The following DTNBP1 variants were observed in gnomAD, a reference collection of about 807,000 sequenced individuals.
The protein encoded by DTNBP1 is dystrobrevin binding protein 1, also known as dysbindin.
Under a neutral mutation model 42.8 loss-of-function variants are expected in DTNBP1, and 35 were observed. That is an observed-to-expected ratio of 0.82 (90% CI 0.63 to 1.09). The LOEUF (loss-of-function observed/expected upper bound fraction) is 1.09. DTNBP1 is among the 50% of genes least tolerant of loss of function. DTNBP1 has a pLI of 0.00. For synonymous variants in DTNBP1, 171 were observed against 162.2 expected, an observed-to-expected ratio of 1.05 and a Z score of -0.41; for missense variants, 457 against 424.2, an observed-to-expected ratio of 1.08 and a Z score of -0.68.
At chr6:15,590,904 A>G (rs1022557637) in intron 7 of DTNBP1, among the ~76,000 whole-genome samples, 5 of 152,186 alleles carry the variant, frequency 3.3e-5, no homozygotes, top group Non-Finnish European at 5.9e-5. Flanking sequence ...TTTTCCCCCA[A>G]TTTAGAAAAG....
At chr6:15,572,286 A>G (rs1775372348) in intron 7 of DTNBP1, among the ~76,000 whole-genome samples, 1 of 152,252 alleles carries the variant, frequency 6.6e-6, no homozygotes, top group Non-Finnish European at 1.5e-5. Context: ...AAGGTGAGTC[A>G]AACCCACCCA....
chr6:15,658,868 C>CT (rs1297918222), intron 1 of DTNBP1, among the ~76,000 whole-genome samples: 1 of 152,232 alleles, frequency 6.6e-6, no homozygotes, highest in Non-Finnish European at 1.5e-5. Context: ...GGGAAAAGAT[C>CT]TTTGAGTGAA....
At chr6:15,583,340 AAGTAGG>A (rs1262273144) in intron 7 of DTNBP1, among the ~76,000 whole-genome samples, 1 of 152,180 alleles carries the variant, frequency 6.6e-6, no homozygotes, top group African/African-American at 2.4e-5. Flanking sequence ...ATGAATATTT[AAGTAGG>A]AGTGAGAGTT....
Position 15,522,829 on chromosome 6 carries a change from G to T in DTNBP1, c.*146C>A. 7.1e-7 allele frequency: 1 copy of T among 1,405,958 alleles called. No individual in the cohort carries two copies. The highest frequency in any genetic ancestry group is 9.9e-7 in the Non-Finnish European group (1 of 1,010,678). The allele number at this position is 1,405,958 out of a possible 1,614,324, so 87.1% of individuals were successfully genotyped here. ...CAGTTTACCGTCCTCACACTTTATTGTTAGCTGTTCTTTAAGTTTCTCACA... is the reference window on the plus strand; with the variant it reads ...CAGTTTACCGTCCTCACACTTTATTTTTAGCTGTTCTTTAAGTTTCTCACA... On this transcript the variant is annotated 3_prime_UTR_variant, in exon 10 of 10. Coordinates refer to ENST00000344537, the MANE Select transcript of DTNBP1 (RefSeq NM_032122.5).
At chr6:15,590,793 T>C (rs566564292) in intron 7 of DTNBP1, among the ~76,000 whole-genome samples, 1 of 152,296 alleles carries the variant, frequency 6.6e-6, no homozygotes, top group Admixed American at 6.5e-5. Context: ...TCAACCTCAA[T>C]GGAGTATTAG....
At chr6:15,537,693 T>C (rs1000349864) in intron 7 of DTNBP1, among the ~76,000 whole-genome samples, 3 of 152,172 alleles carry the variant, frequency 2.0e-5, no homozygotes, top group Non-Finnish European at 4.4e-5. Flanking sequence ...TCACGAGATC[T>C]GACGGTTTTG....
In DTNBP1 at chr6:15,653,670, AG is replaced by A. The variant is rs753104475; in HGVS notation, c.57-1531del. Among the ~76,000 whole-genome samples the A allele has an allele frequency of 1.8e-4, 28 of 152,354 alleles. No individual in the cohort carries two copies. The East Asian group carries it at 1.9e-3, about 10-fold the overall frequency. ...AGATAACTGAGGTTGCCAATAAGTGAGTGCTACAGTATGCAGTAATATCACA... is the reference window on the plus strand; with the variant it reads ...AGATAACTGAGGTTGCCAATAAGTGATGCTACAGTATGCAGTAATATCACA... On this transcript the variant is annotated intron_variant, in intron 1 of 9. Coordinates refer to ENST00000344537, the MANE Select transcript of DTNBP1 (RefSeq NM_032122.5).
intron 2 of DTNBP1, 85 bp from the exon 3 acceptor site, chr6:15,651,448 T>A: frequency 6.5e-7 from 1 of 1,528,774 alleles, no homozygotes; most frequent in Non-Finnish European, 9.0e-7. Flanking sequence ...ATTTTGACAT[T>A]GTCAATTGTA....
intron 7 of DTNBP1, chr6:15,533,730 C>G: frequency 2.0e-6 from 1 of 492,142 alleles, no homozygotes; most frequent in East Asian, 5.8e-5. Context: ...CGTCCTTCTA[C>G]TAACTCCAGT....
chr6:15,602,313 A>G (rs927738697), intron 6 of DTNBP1, among the ~76,000 whole-genome samples: 3 of 152,186 alleles, frequency 2.0e-5, no homozygotes, highest in Non-Finnish European at 4.4e-5. Context: ...GAGGAGGAGC[A>G]CTGTTTTCTT....
At chr6:15,609,278 C>CT (rs1283315379) in intron 6 of DTNBP1, among the ~76,000 whole-genome samples, 1 of 151,274 alleles carries the variant, frequency 6.6e-6, no homozygotes, top group Non-Finnish European at 1.5e-5. Context: ...AAAATGGGCT[C>CT]TTACAAGATG....
intron 3 of DTNBP1, among the ~76,000 whole-genome samples, chr6:15,650,685 C>T (rs1760943151): frequency 1.3e-5 from 2 of 151,912 alleles, no homozygotes; most frequent in African/African-American, 4.8e-5. Flanking sequence ...AATGTCTATT[C>T]AACTCTTTTG....
At chr6:15,608,095 A>G (rs2113677594) in intron 6 of DTNBP1, among the ~76,000 whole-genome samples, 1 of 152,302 alleles carries the variant, frequency 6.6e-6, no homozygotes, top group African/African-American at 2.4e-5. Context: ...TCCCCTCAAC[A>G]CAAATATGCT....
At chr6:15,589,647 CA>C (rs539318130) in intron 7 of DTNBP1, among the ~76,000 whole-genome samples, 31 of 152,316 alleles carry the variant, frequency 2.0e-4, no homozygotes, top group Middle Eastern at 3.4e-3. Context: ...CGTGAATTCT[CA>C]AAAAATTATT....
chr6:15,544,192 G>A (rs899898333), intron 7 of DTNBP1, among the ~76,000 whole-genome samples: 5 of 152,168 alleles, frequency 3.3e-5, no homozygotes, highest in East Asian at 1.9e-4. Flanking sequence ...TCTGAGACTC[G>A]CTTTTTTCAC....
At chr6:15,654,135 T>G (rs1418401288) in intron 1 of DTNBP1, among the ~76,000 whole-genome samples, 1 of 152,210 alleles carries the variant, frequency 6.6e-6, no homozygotes, top group Non-Finnish European at 1.5e-5. Flanking sequence ...CTCTGCAATA[T>G]TCAAAAGATT....
intron 9 of DTNBP1, chr6:15,523,887 ACCTTC>A: frequency 7.8e-7 from 1 of 1,287,100 alleles, no homozygotes; most frequent in Non-Finnish European, 1.0e-6. Flanking sequence ...TAATGGTAGA[ACCTTC>A]TACAGATGGC....
chr6:15,556,060 C>G (rs550632879), intron 7 of DTNBP1, among the ~76,000 whole-genome samples: 1 of 152,262 alleles, frequency 6.6e-6, no homozygotes, highest in Non-Finnish European at 1.5e-5. Context: ...AGAGGCCCAA[C>G]TTAGCAGGGT....
intron 8 of DTNBP1, 24 bp downstream of exon 8, chr6:15,533,216 C>A: frequency 1.2e-6 from 2 of 1,612,526 alleles, no homozygotes; most frequent in Non-Finnish European, 1.7e-6. Flanking sequence ...AGTCCCCACA[C>A]CAGCAGCCCC....
Sources: allele counts gnomAD v4.1 joint callset (sites outside exome capture counted in the v4.1 genomes callset), GRCh38; gene constraint gnomAD v4.1.1; transcripts MANE v1.5; gene names NCBI Gene and HGNC (gene_info 2026-07-23, HGNC 2026-07-21).